The following EEF1AKMT2 variants were observed in gnomAD, a reference collection of about 807,000 sequenced individuals.
EEF1AKMT2 encodes eukaryotic translation elongation factor 1 alpha lysine methyltransferase 2.
Under a neutral mutation model 35.8 loss-of-function variants are expected in EEF1AKMT2, and 32 were observed. The ratio of observed to expected loss-of-function variants is 0.89; its 90% CI spans 0.67 to 1.20. The LOEUF is 1.20. Ranked by LOEUF, EEF1AKMT2 falls within the 50% of genes most tolerant of loss-of-function variation. The pLI, the probability that EEF1AKMT2 is intolerant of heterozygous loss-of-function variation, is 0.00. For missense variants in EEF1AKMT2, 330 were observed against 347.5 expected (o/e 0.95, Z 0.40); for synonymous variants, 121 against 133.7 (o/e 0.91, Z 0.65).
At chr10:124,782,551 C>T (rs890912861) in intron 3 of EEF1AKMT2, among the ~76,000 whole-genome samples, 2 of 141,240 alleles carry the variant, frequency 1.4e-5, no homozygotes, top group African/African-American at 2.7e-5. Flanking sequence ...CACTGCACTC[C>T]AGCCTGGGCG....
chr10:124,784,229 C>A (rs1306522591), intron 3 of EEF1AKMT2, among the ~76,000 whole-genome samples: 1 of 151,902 alleles, frequency 6.6e-6, no homozygotes, highest in Non-Finnish European at 1.5e-5. Context: ...TCATACAAAT[C>A]ATATAAGGCA....
intron 5 of EEF1AKMT2, among the ~76,000 whole-genome samples, chr10:124,763,206 G>A (rs1189186169): frequency 3.3e-5 from 5 of 152,130 alleles, no homozygotes; most frequent in Non-Finnish European, 7.4e-5. Flanking sequence ...TTCATTCACT[G>A]TCATAAAGTC....
At chr10:124,777,359 G>A (rs1198628361) in intron 3 of EEF1AKMT2, among the ~76,000 whole-genome samples, 2 of 151,734 alleles carry the variant, frequency 1.3e-5, no homozygotes, top group East Asian at 3.9e-4. Context: ...ACAGTCATGT[G>A]TCACCATGGA....
At position 124,769,248 on chromosome 10, in the gene EEF1AKMT2, A is replaced by ATATATACATGTG. The variant is rs60863408; in HGVS notation, c.400-3641_400-3640insCACATGTATATA. On this transcript the variant is annotated intron_variant, in intron 4 of 6. Transcript: ENST00000368836. ...AAAAAAAAAAAATATATATATATAT[A>ATATATACATGTG]TGTGTGTATAAATAAAACGAACAGA... is the stretch of plus-strand genomic sequence containing the variant. 7.8e-5 allele frequency among the ~76,000 whole-genome samples: 5 copies of ATATATACATGTG among 63,820 alleles called. No individual in the cohort carries two copies. In the Admixed American group the frequency reaches 1.4e-3, roughly 18 times the overall value. The allele number at this position is 63,820 out of a possible 152,430, so 41.9% of individuals were successfully genotyped here. A position where few individuals can be genotyped will look rare whatever the true frequency, so the allele number is the denominator to read the frequency against.
chr10:124,783,336 G>T (rs776682397), intron 3 of EEF1AKMT2, among the ~76,000 whole-genome samples: 9 of 151,954 alleles, frequency 5.9e-5, no homozygotes, highest in African/African-American at 2.2e-4. Flanking sequence ...TAGCGACAGG[G>T]TTTCACCATG....
chr10:124,785,041 A>C (rs752782412), intron 3 of EEF1AKMT2, among the ~76,000 whole-genome samples: 4 of 151,884 alleles, frequency 2.6e-5, no homozygotes, highest in Non-Finnish European at 4.4e-5. Context: ...GAGATCAGGC[A>C]TTTTAGACCA....
At chr10:124,786,302 C>T (rs1193863536) in intron 3 of EEF1AKMT2, among the ~76,000 whole-genome samples, 1 of 151,758 alleles carries the variant, frequency 6.6e-6, no homozygotes, top group African/African-American at 2.4e-5. Flanking sequence ...GTCAGGAGAT[C>T]GAGACCATCC....
chr10:124,782,193 G>A (rs1950545486), intron 3 of EEF1AKMT2, among the ~76,000 whole-genome samples: 1 of 152,132 alleles, frequency 6.6e-6, no homozygotes, highest in Non-Finnish European at 1.5e-5. Context: ...AGGAAAAAGA[G>A]AAGAATAAAA....
At position 124,765,321 on chromosome 10, in the gene EEF1AKMT2, C is replaced by T. The variant is rs766003028; in HGVS notation, c.616+71G>A. On this transcript the variant is annotated intron_variant, in intron 5 of 6. Transcript: ENST00000368836. ...AAAAGTAAAACACTATAACACAAAA[C>T]GGGGAGAAAACCTATTTAAGTACAT... The T allele has an allele frequency of 1.2e-5, 15 of 1,274,420 alleles. 1 individual carries two copies. Among genetic ancestry groups the T allele is most frequent in the African/African-American group, 3.0e-5 (2 of 66,966 alleles). The allele number at this position is 1,274,420 out of a possible 1,614,324, so 78.9% of individuals were successfully genotyped here. A position where few individuals can be genotyped will look rare whatever the true frequency, so the allele number is the denominator to read the frequency against.
Position 124,765,480 on chromosome 10 carries a change from A to G in EEF1AKMT2, c.528T>C (p.Ser176=), listed in dbSNP as rs984678219. The G allele has an allele frequency of 5.6e-6, 9 of 1,613,880 alleles. No homozygotes were observed. In the African/African-American group the frequency reaches 6.7e-5, roughly 12 times the overall value. The change falls in exon 5 of 7, where the codon TCT becomes TCC. Residue 176 remains serine, a synonymous_variant. Transcript: ENST00000368836. ...CTTTTACTTTCAACACCCTGGAGAG[A>G]GATTTCACATATTGCTTCCTCTTCT... The part of the protein sequence containing the change: ...AIEKRKQYVK[S]LSRVLKVKGF...
At chr10:124,760,558 T>C in intron 6 of EEF1AKMT2, 55 bp from the exon 7 acceptor site, 9 of 1,329,352 alleles carry the variant, frequency 6.8e-6, no homozygotes, top group African/African-American at 1.4e-5. Context: ...TACTTACATG[T>C]ATTTATATGC....
intron 4 of EEF1AKMT2, among the ~76,000 whole-genome samples, chr10:124,771,866 C>A (rs1950440116): frequency 6.6e-6 from 1 of 151,750 alleles, no homozygotes; most frequent in Admixed American, 6.6e-5. Context: ...AAGACTCCGT[C>A]TCAAAAAAAA....
At chr10:124,779,350 C>T (rs189698579) in intron 3 of EEF1AKMT2, among the ~76,000 whole-genome samples, 1 of 152,262 alleles carries the variant, frequency 6.6e-6, no homozygotes, top group Admixed American at 6.5e-5. Context: ...CCAGGCTGGT[C>T]TCAAACTCTT....
At chr10:124,761,556 C>A (rs11245354) in intron 6 of EEF1AKMT2, among the ~76,000 whole-genome samples, 83,348 of 151,858 alleles carry the variant, frequency 0.55, 23,370 homozygotes, top group South Asian at 0.65. Flanking sequence ...ATTAACTTGG[C>A]GTCTAAAATC....
intron 5 of EEF1AKMT2, among the ~76,000 whole-genome samples, chr10:124,764,003 C>T (rs1209379983): frequency 6.6e-6 from 1 of 152,134 alleles, no homozygotes; most frequent in East Asian, 1.9e-4. Flanking sequence ...TTTCAAGCCT[C>T]AAACACTTCA....
rs531796449 is a variant in EEF1AKMT2 at position 124,762,212 on chromosome 10, A to T, written c.875+88T>A. The T allele has an allele frequency of 5.4e-6, 5 of 919,896 alleles. No individual in the cohort carries two copies. The African/African-American group carries it at 8.7e-5, about 16-fold the overall frequency. The allele number at this position is 919,896 out of a possible 1,614,324, so 57.0% of individuals were successfully genotyped here. Reference sequence around the variant, plus strand: ...ACTGTGATTTTGTAAAGATCCAAATAAGGTAATGTAGTGTTTTCCTAAACT... The same window carrying T: ...ACTGTGATTTTGTAAAGATCCAAATTAGGTAATGTAGTGTTTTCCTAAACT... On this transcript the variant is annotated intron_variant, in intron 6 of 6. Coordinates refer to ENST00000368836, the MANE Select transcript of EEF1AKMT2 (RefSeq NM_212554.4).
At chr10:124,773,246 G>A (rs1049118656) in intron 4 of EEF1AKMT2, among the ~76,000 whole-genome samples, 3 of 152,104 alleles carry the variant, frequency 2.0e-5, no homozygotes, top group Admixed American at 2.0e-4. Flanking sequence ...CACCCAGGCT[G>A]GAGTGCAGTG....
intron 5 of EEF1AKMT2, among the ~76,000 whole-genome samples, chr10:124,763,316 T>C (rs970506387): frequency 1.3e-5 from 2 of 152,200 alleles, no homozygotes; most frequent in African/African-American, 2.4e-5. Context: ...AGGGGTATCA[T>C]GGAAAAAATG....
chr10:124,766,370 A>G (rs1385646478), intron 4 of EEF1AKMT2: 2 of 152,210 alleles, frequency 1.3e-5, no homozygotes, highest in Non-Finnish European at 2.9e-5. Flanking sequence ...TGAATGGCAT[A>G]AGGCTTAAGA....
Sources: allele counts gnomAD v4.1 joint callset (sites outside exome capture counted in the v4.1 genomes callset), GRCh38; gene constraint gnomAD v4.1.1; transcripts MANE v1.5; gene names NCBI Gene and HGNC (gene_info 2026-07-23, HGNC 2026-07-21).